LTBP1: variants seen among roughly 807,000 people sequenced by gnomAD.
LTBP1 encodes the protein latent transforming growth factor beta binding protein 1.
In LTBP1, 129 loss-of-function variants were observed where a neutral mutation model predicts 207.6. The observed-to-expected ratio is 0.62, with a 90% CI of 0.54 to 0.72. The LOEUF (loss-of-function observed/expected upper bound fraction) is 0.72. LTBP1 is among the 30% of genes least tolerant of loss of function. LTBP1 has a pLI of 0.00. For missense variants in LTBP1, 2,281 were observed against 2,217.2 expected, an observed-to-expected ratio of 1.03 and a Z score of -0.58; for synonymous variants, 963 against 833.7, an observed-to-expected ratio of 1.16 and a Z score of -2.67.
chr2:33,038,674 T>A (rs549738272), intron 3 of LTBP1, among the ~76,000 whole-genome samples: 1 of 152,344 alleles, frequency 6.6e-6, no homozygotes, highest in East Asian at 1.9e-4. Context: ...TTTAAAGAGT[T>A]CGAGTTCTGA....
At chr2:33,300,606 TC>T (rs1484241032) in intron 21 of LTBP1, 33 bp downstream of exon 21, 6 of 1,597,426 alleles carry the variant, frequency 3.8e-6, no homozygotes, top group Non-Finnish European at 5.1e-6. Flanking sequence ...TACTGAAACT[TC>T]AGCTTAAAGC....
chr2:33,135,780 C>T (rs2082095822), intron 5 of LTBP1, among the ~76,000 whole-genome samples: 1 of 152,160 alleles, frequency 6.6e-6, no homozygotes, highest in Non-Finnish European at 1.5e-5. Flanking sequence ...GTATTTTTGT[C>T]GCAGAAAAAT....
At chr2:33,130,350 C>T (rs543354993) in intron 4 of LTBP1, among the ~76,000 whole-genome samples, 2 of 152,204 alleles carry the variant, frequency 1.3e-5, no homozygotes, top group African/African-American at 2.4e-5. Flanking sequence ...GTTGGATGCA[C>T]GCTAATGTGC....
chr2:32,978,030 A>T (rs976030820), intron 2 of LTBP1, among the ~76,000 whole-genome samples: 8 of 152,220 alleles, frequency 5.3e-5, no homozygotes, highest in Admixed American at 1.3e-4. Context: ...CTATTAGCAT[A>T]TAGAAATGTT....
At position 33,347,517 on chromosome 2, in the gene LTBP1, C is replaced by A. The variant is rs367609235; in HGVS notation, c.4000+7C>A. On this transcript the variant is annotated splice_region_variant and intron_variant, in intron 26 of 33. Coordinates refer to ENST00000404816, the MANE Select transcript of LTBP1 (RefSeq NM_206943.4). ...CGCTCCCGGACCTCCACAGGTAAGT[C>A]CCAGTGACACTGTGCAAGGGAATGA... is the stretch of plus-strand genomic sequence containing the variant. 3 of 1,613,946 alleles carry A rather than the reference C, an allele frequency of 1.9e-6. No homozygotes were observed. The highest frequency in any genetic ancestry group is 2.5e-6 in the Non-Finnish European group (3 of 1,179,986).
chr2:33,221,862 A>G (rs2091130568), intron 8 of LTBP1, among the ~76,000 whole-genome samples: 1 of 152,212 alleles, frequency 6.6e-6, no homozygotes, highest in Non-Finnish European at 1.5e-5. Flanking sequence ...CGTAATAAAG[A>G]TTTACTGATA....
intron 19 of LTBP1, 66 bp from the exon 20 acceptor site, chr2:33,293,094 T>C: frequency 6.5e-7 from 1 of 1,532,060 alleles, no homozygotes; most frequent in Non-Finnish European, 8.9e-7. Context: ...TCTAACCAAA[T>C]TTAACTTTAT....
intron 2 of LTBP1, among the ~76,000 whole-genome samples, chr2:32,953,640 C>T (rs1393983221): frequency 2.0e-5 from 3 of 152,172 alleles, no homozygotes; most frequent in Admixed American, 1.3e-4. Flanking sequence ...TCCTCCGGCC[C>T]ATGGGCCTGC....
intron 9 of LTBP1, among the ~76,000 whole-genome samples, chr2:33,230,395 A>G (rs187414916): frequency 2.5e-4 from 38 of 152,226 alleles, no homozygotes; most frequent in African/African-American, 8.4e-4. Context: ...TGGTGCTGCA[A>G]TTATCTTTTC....
intron 3 of LTBP1, among the ~76,000 whole-genome samples, chr2:33,102,415 A>T (rs1418288301): frequency 1.3e-5 from 2 of 152,164 alleles, no homozygotes; most frequent in Admixed American, 6.5e-5. Flanking sequence ...TGAGAAGCAA[A>T]TACAGCCCCT....
At chr2:33,201,263 G>A (rs956162041) in intron 7 of LTBP1, among the ~76,000 whole-genome samples, 14 of 152,230 alleles carry the variant, frequency 9.2e-5, no homozygotes, top group African/African-American at 3.4e-4. Flanking sequence ...TTAAGAAAAT[G>A]TGGCACATAT....
chr2:32,980,823 T>C (rs1213150002), intron 2 of LTBP1, among the ~76,000 whole-genome samples: 5 of 152,178 alleles, frequency 3.3e-5, no homozygotes, highest in African/African-American at 1.2e-4. Context: ...CTCCTTCATG[T>C]TTGAAGGATA....
Position 33,110,592 on chromosome 2 carries a change from C to T in LTBP1, c.874C>T (p.Leu292Phe), listed in dbSNP as rs768903642. 5.0e-6 allele frequency: 8 copies of T among 1,613,042 alleles called. No homozygotes were observed. The highest frequency in any genetic ancestry group is 6.8e-6 in the Non-Finnish European group (8 of 1,179,540). ...TTTGTTTCTTCCCAGAGTGACTCCT[C>T]TTTCTTCCCAGAGTGTGGTGATTCA... ...PQQIHSQVTP[L>F]SSQSVVIHHG... The change falls in exon 4 of 34, where the codon CTT becomes TTT. Residue 292 changes from leucine (L) to phenylalanine (F), a missense_variant. Around this residue, in one of 3 missense-constraint regions of LTBP1, gnomAD observed 555 missense variants for 491.0 expected, o/e 1.13. Transcript: ENST00000404816.
chr2:33,075,640 C>T lies in LTBP1; in HGVS notation c.864-34942C>T, dbSNP rs78492914. Among the ~76,000 whole-genome samples the T allele has an allele frequency of 4.0e-3, 609 of 152,242 alleles. 3 individuals carry two copies. Among genetic ancestry groups the T allele is most frequent in the Non-Finnish European group, 7.1e-3 (481 of 68,026 alleles). On this transcript the variant is annotated intron_variant, in intron 3 of 33. Coordinates refer to ENST00000404816, the MANE Select transcript of LTBP1 (RefSeq NM_206943.4). The stretch of plus-strand genomic sequence containing the variant: ...ATTGAACCGTTAAAATGGCCTTATG[C>T]GTGTTTGAACCAACATCTGATTTTG...
intron 10 of LTBP1, among the ~76,000 whole-genome samples, chr2:33,249,580 G>T (rs144412477): frequency 6.6e-6 from 1 of 152,060 alleles, no homozygotes; most frequent in South Asian, 2.1e-4. Context: ...TTATGATTTG[G>T]TACTATACTT....
chr2:33,209,642 A>G (rs888904702), intron 7 of LTBP1, among the ~76,000 whole-genome samples: 2 of 152,238 alleles, frequency 1.3e-5, no homozygotes, highest in Non-Finnish European at 2.9e-5. Flanking sequence ...CAAGGTCTTA[A>G]GAATATCTTT....
intron 5 of LTBP1, among the ~76,000 whole-genome samples, chr2:33,145,213 C>CT (rs1370000033): frequency 6.6e-6 from 1 of 151,990 alleles, no homozygotes; most frequent in Non-Finnish European, 1.5e-5. Context: ...GCAATACTTA[C>CT]TGAAAGACTG....
intron 3 of LTBP1, among the ~76,000 whole-genome samples, chr2:33,072,862 C>T (rs11896749): frequency 0.1 from 15,953 of 152,220 alleles, 933 homozygotes; most frequent in Non-Finnish European, 0.11. Context: ...TTTCCATTCA[C>T]GTTTCATTGG....
At chr2:33,116,983 G>A (rs991839218) in intron 4 of LTBP1, among the ~76,000 whole-genome samples, 2 of 152,154 alleles carry the variant, frequency 1.3e-5, no homozygotes, top group African/African-American at 4.8e-5. Context: ...CCTGAGTTCT[G>A]GTCTGTGCTG....
Sources: gnomAD v4.1 joint callset for allele counts (sites outside exome capture counted in the v4.1 genomes callset) on GRCh38, gnomAD v4.1.1 for gene constraint, gnomAD v4.1.1 regional missense constraint, MANE v1.5 for transcripts, NCBI Gene and HGNC (gene_info 2026-07-23, HGNC 2026-07-21) for gene names.